KLHL14: variants seen among roughly 807,000 people sequenced by gnomAD.
KLHL14 encodes kelch like family member 14, also known as kelch-like protein 14.
In KLHL14, 22 loss-of-function variants were observed where a neutral mutation model predicts 64.3. The observed-to-expected ratio is 0.34, with a 90% CI of 0.24 to 0.49. The LOEUF (loss-of-function observed/expected upper bound fraction) is 0.49, where lower values mean the gene tolerates loss of function less well. Among genes scored for constraint, KLHL14 ranks in the 20% least tolerant of loss-of-function variants. The pLI, the probability that KLHL14 is intolerant of heterozygous loss-of-function variation, is 0.99. For synonymous variants in KLHL14, 322 were observed against 333.4 expected (o/e 0.97, Z 0.37); for missense variants, 661 against 789.0 (o/e 0.84, Z 1.94).
chr18:32,680,391 A>T lies in KLHL14; in HGVS notation c.1429+18T>A. On this transcript the variant is annotated intron_variant, in intron 6 of 8. Coordinates refer to ENST00000359358, the MANE Select transcript of KLHL14 (RefSeq NM_020805.3). The surrounding 1 kb of genome is among the most constrained non-coding windows in gnomAD (Gnocchi z 4.8). ...TTTGGAACTGAACTTTGTAACAGAA[A>T]GTGGAGGAATTACTTGCCTGAAATG... 6.2e-7 allele frequency: 1 copy of T among 1,613,700 alleles called. No homozygotes were observed. The highest frequency in any genetic ancestry group is 8.5e-7 in the Non-Finnish European group (1 of 1,179,690).
At chr18:32,772,092 G>A (rs867095381) in intron 1 of KLHL14, 1 of 164,744 alleles carries the variant, frequency 6.1e-6, no homozygotes, top group Non-Finnish European at 1.2e-5. Flanking sequence ...CATCCCGCCC[G>A]CGCGCCGGCC....
intron 2 of KLHL14, among the ~76,000 whole-genome samples, chr18:32,767,118 A>G (rs1400762951): frequency 1.3e-5 from 2 of 152,232 alleles, no homozygotes; most frequent in African/African-American, 4.8e-5. Flanking sequence ...ATTGTCTTCA[A>G]TGAAAGTGAT....
intron 1 of KLHL14, chr18:32,772,139 G>A (rs772516492): frequency 3.8e-6 from 1 of 264,260 alleles, no homozygotes; most frequent in Non-Finnish European, 7.6e-6. Context: ...GGGGAGAGCC[G>A]CCGCCGCCGC....
intron 3 of KLHL14, among the ~76,000 whole-genome samples, chr18:32,725,693 G>A (rs1274216183): frequency 6.6e-6 from 1 of 152,188 alleles, no homozygotes; most frequent in Non-Finnish European, 1.5e-5. Flanking sequence ...CTGCCCTCAT[G>A]TTGCTGACAG....
intron 2 of KLHL14, among the ~76,000 whole-genome samples, chr18:32,767,214 C>T (rs2050351423): frequency 6.6e-6 from 1 of 152,140 alleles, no homozygotes; most frequent in African/African-American, 2.4e-5. Context: ...TACACTGATG[C>T]TATAATAAAT....
In KLHL14 at chr18:32,711,274, TG is replaced by T. The variant is rs1293609730; in HGVS notation, c.1070-15723del. Among the ~76,000 whole-genome samples the T allele has an allele frequency of 5.9e-5, 9 of 152,172 alleles. No individual in the cohort carries two copies. The East Asian group carries it at 1.7e-3, about 29-fold the overall frequency. ...ACAGCAAAAGAAAAAGACCATTAAT[TG>T]GCACGTGACAGTGGGTATATGTAGC... is the stretch of plus-strand genomic sequence containing the variant. On this transcript the variant is annotated intron_variant, in intron 3 of 8. Coordinates refer to ENST00000359358, the MANE Select transcript of KLHL14 (RefSeq NM_020805.3).
chr18:32,769,911 C>T lies in KLHL14; in HGVS notation c.681G>A (p.Ser227=), dbSNP rs750226993. The T allele has an allele frequency of 6.2e-7, 1 of 1,614,142 alleles. No homozygotes were observed. The highest frequency in any genetic ancestry group is 1.7e-5 in the Admixed American group (1 of 60,030). ...NFEEMRALLD[S]LPPPVESELA... is the part of the protein sequence containing the mutation. ...GCTCCGACTCCACGGGGGGCGGCAG[C>T]GAGTCCAGCAGGGCGCGCATCTCCT... is the stretch of plus-strand genomic sequence containing the variant. Residue 227 remains serine, a synonymous_variant, in exon 2 of 9, where the codon TCG becomes TCA. Coordinates refer to ENST00000359358, the MANE Select transcript of KLHL14 (RefSeq NM_020805.3).
chr18:32,700,026 C>A (rs889926631), intron 3 of KLHL14, among the ~76,000 whole-genome samples: 1 of 151,576 alleles, frequency 6.6e-6, no homozygotes, highest in African/African-American at 2.4e-5. Context: ...TATAAAATGT[C>A]CAGGGGTCTT....
chr18:32,725,801 A>AAGG (rs1175974171), intron 3 of KLHL14, among the ~76,000 whole-genome samples: 1 of 152,200 alleles, frequency 6.6e-6, no homozygotes, highest in Non-Finnish European at 1.5e-5. Context: ...CTTGTGACTT[A>AAGG]AGGTGTGATT....
intron 7 of KLHL14, among the ~76,000 whole-genome samples, chr18:32,678,899 T>C (rs2049824208): frequency 1.3e-5 from 2 of 152,136 alleles, no homozygotes; most frequent in Admixed American, 6.6e-5. Context: ...TAACCTTAAA[T>C]GTTAGAAGAT....
rs141260121 is a variant in KLHL14, at chr18:32,705,136, T to C, written c.1070-9584A>G. Among the ~76,000 whole-genome samples the C allele has an allele frequency of 3.5e-3, 536 of 152,354 alleles. 5 individuals carry two copies. The highest frequency in any genetic ancestry group is 0.013 in the African/African-American group (524 of 41,588). On this transcript the variant is annotated intron_variant, in intron 3 of 8. Coordinates refer to ENST00000359358, the MANE Select transcript of KLHL14 (RefSeq NM_020805.3). ...AAGGCCCTGTGATATAATTTTTAAA[T>C]ATTAGCTTAATTTAAAAAAATGAAT... is the stretch of plus-strand genomic sequence containing the variant.
intron 2 of KLHL14, among the ~76,000 whole-genome samples, chr18:32,747,590 A>C (rs1462622375): frequency 6.6e-6 from 1 of 152,208 alleles, no homozygotes; most frequent in Non-Finnish European, 1.5e-5. Flanking sequence ...TGGTAATGCA[A>C]GTGATAGAGA....
At chr18:32,763,618 G>C (rs183363844) in intron 2 of KLHL14, among the ~76,000 whole-genome samples, 1 of 152,258 alleles carries the variant, frequency 6.6e-6, no homozygotes, top group East Asian at 1.9e-4. Context: ...AGTCAAGCTT[G>C]TGGTAGTTGC....
intron 3 of KLHL14, among the ~76,000 whole-genome samples, chr18:32,702,194 T>C (rs1198967386): frequency 1.3e-5 from 2 of 152,190 alleles, no homozygotes; most frequent in Admixed American, 6.5e-5. Flanking sequence ...AGCATCATAC[T>C]GCTAGAATAC....
At chr18:32,742,177 T>C in intron 2 of KLHL14, 128 bp from the exon 3 acceptor site, 1 of 1,110,444 alleles carries the variant, frequency 9.0e-7, no homozygotes, top group Non-Finnish European at 1.3e-6. Context: ...TCCTGTTTCT[T>C]CCCCCATTCA....
intron 2 of KLHL14, among the ~76,000 whole-genome samples, chr18:32,762,773 T>C (rs1351639008): frequency 6.6e-6 from 1 of 152,156 alleles, no homozygotes; most frequent in African/African-American, 2.4e-5. Context: ...TGAATTATCT[T>C]GGAAATCAAT....
chr18:32,727,379 T>A (rs1418271035), intron 3 of KLHL14, among the ~76,000 whole-genome samples: 1 of 152,202 alleles, frequency 6.6e-6, no homozygotes, highest in Non-Finnish European at 1.5e-5. Context: ...GAAGCCCCAG[T>A]GCTGAGATTA....
chr18:32,736,314 A>G (rs2050165831), intron 3 of KLHL14, among the ~76,000 whole-genome samples: 1 of 152,142 alleles, frequency 6.6e-6, no homozygotes, highest in South Asian at 2.1e-4. Context: ...ATATATAGCA[A>G]TGTGCAGCCA....
At chr18:32,707,660 C>T (rs1289317625) in intron 3 of KLHL14, among the ~76,000 whole-genome samples, 1 of 152,194 alleles carries the variant, frequency 6.6e-6, no homozygotes, top group Non-Finnish European at 1.5e-5. Context: ...GAGTTTCTAA[C>T]CAAGCTTCCC....
Sources: allele counts gnomAD v4.1 joint callset (sites outside exome capture counted in the v4.1 genomes callset), GRCh38; gene constraint gnomAD v4.1.1; non-coding constraint Gnocchi (gnomAD v3.1); transcripts MANE v1.5; gene names NCBI Gene and HGNC (gene_info 2026-07-23, HGNC 2026-07-21).